The following GSE1 variants were observed in gnomAD, a reference collection of about 807,000 sequenced individuals.
The protein encoded by GSE1 is genetic suppressor element 1.
GSE1 carries 32 observed loss-of-function variants against 112.6 expected under a neutral mutation model. The observed-to-expected ratio is 0.28, with a 90% CI of 0.21 to 0.38. The LOEUF (loss-of-function observed/expected upper bound fraction) is 0.38. Ranked by LOEUF, GSE1 falls within the 10% of genes least tolerant of loss-of-function variation. GSE1 has a pLI of 1.00. For synonymous variants in GSE1, 1,115 were observed against 735.6 expected (o/e 1.52, Z -8.35); for missense variants, 2,348 against 1,699.2 (o/e 1.38, Z -6.71).
chr16:85,252,399 G>A (rs867718110), intron 1 of GSE1, among the ~76,000 whole-genome samples: 1 of 152,228 alleles, frequency 6.6e-6, no homozygotes, highest in Non-Finnish European at 1.5e-5. Context: ...GGATGTGTAC[G>A]TGCATGAAAT....
upstream of GSE1, chr16:85,611,400 G>A: frequency 6.5e-6 from 6 of 917,976 alleles, no homozygotes; most frequent in Non-Finnish European, 7.8e-6. Context: ...GGGCCCGCGC[G>A]GCCGAGCCAC....
At chr16:85,558,635 G>C (rs2045355103) in intron 1 of GSE1, among the ~76,000 whole-genome samples, 1 of 152,150 alleles carries the variant, frequency 6.6e-6, no homozygotes, top group Admixed American at 6.5e-5. Flanking sequence ...CAGAAGTGAG[G>C]GGAGGGGAGG....
intron 2 of GSE1, among the ~76,000 whole-genome samples, chr16:85,503,033 G>A (rs1346367339): frequency 6.6e-6 from 1 of 152,216 alleles, no homozygotes; most frequent in African/African-American, 2.4e-5. Context: ...ACCACACTGA[G>A]CTTGTATTTG....
At chr16:85,288,528 T>C (rs1165681167) in intron 1 of GSE1, among the ~76,000 whole-genome samples, 1 of 152,202 alleles carries the variant, frequency 6.6e-6, no homozygotes, top group Non-Finnish European at 1.5e-5. Context: ...GAGCCCGCTG[T>C]GTGTGGCAGT....
intron 2 of GSE1, among the ~76,000 whole-genome samples, chr16:85,426,043 A>ATGGG: frequency 8.3e-6 from 1 of 120,622 alleles, no homozygotes; most frequent in East Asian, 2.6e-4. Context: ...GGATGGATGG[A>ATGGG]TGGATGGATG....
intron 1 of GSE1, among the ~76,000 whole-genome samples, chr16:85,279,893 G>A (rs372785281): frequency 4.6e-5 from 7 of 152,316 alleles, no homozygotes; most frequent in African/African-American, 9.6e-5. Flanking sequence ...AGCAAACTCC[G>A]GCGGCGTCAT....
At chr16:85,471,444 C>A (rs2050293782) in intron 2 of GSE1, among the ~76,000 whole-genome samples, 1 of 152,206 alleles carries the variant, frequency 6.6e-6, no homozygotes, top group African/African-American at 2.4e-5. Flanking sequence ...GGCAAAGTCT[C>A]ACTCCATCAC....
chr16:85,246,765 G>A (rs1047146816), intron 1 of GSE1, among the ~76,000 whole-genome samples: 2 of 151,974 alleles, frequency 1.3e-5, no homozygotes, highest in Non-Finnish European at 2.9e-5. Flanking sequence ...GCAATGAAAT[G>A]GGCACCCTCT....
intron 1 of GSE1, among the ~76,000 whole-genome samples, chr16:85,309,266 A>G (rs375176452): frequency 5.3e-4 from 80 of 152,288 alleles, no homozygotes; most frequent in African/African-American, 1.8e-3. Context: ...TGGGAGGCCA[A>G]CTAGAGGATC....
At chr16:85,503,716 G>A (rs1308857928) in intron 2 of GSE1, among the ~76,000 whole-genome samples, 2 of 152,146 alleles carry the variant, frequency 1.3e-5, no homozygotes, top group African/African-American at 4.8e-5. Flanking sequence ...AGGCAGTGTC[G>A]AAGCAAACCT....
At chr16:85,589,365 C>T (rs758041733) in intron 1 of GSE1, among the ~76,000 whole-genome samples, 7 of 151,906 alleles carry the variant, frequency 4.6e-5, no homozygotes, top group African/African-American at 1.2e-4. Flanking sequence ...GAGCCCTGGA[C>T]GCTGGGCAGA....
intron 2 of GSE1, among the ~76,000 whole-genome samples, chr16:85,406,875 C>T (rs866023976): frequency 9.4e-4 from 1 of 1,060 alleles, no homozygotes. Context: ...CAGGCCCCCC[C>T]GGATAATCCT....
intron 1 of GSE1, among the ~76,000 whole-genome samples, chr16:85,238,166 G>A (rs547975789): frequency 1.9e-4 from 29 of 152,204 alleles, no homozygotes; most frequent in Non-Finnish European, 4.0e-4. Context: ...GGAAGACCCC[G>A]GGAGGTGGCG....
chr16:85,265,605 G>T (rs1908155234), intron 1 of GSE1, among the ~76,000 whole-genome samples: 1 of 152,254 alleles, frequency 6.6e-6, no homozygotes, highest in South Asian at 2.1e-4. Context: ...TTCCCTGATT[G>T]CCTCCAAATC....
At chr16:85,300,629 C>G (rs912315135) in intron 1 of GSE1, among the ~76,000 whole-genome samples, 6 of 152,236 alleles carry the variant, frequency 3.9e-5, no homozygotes, top group African/African-American at 1.4e-4. Flanking sequence ...CCTCATTCCT[C>G]TCTCGCCGAG....
chr16:85,639,348 C>G (rs2050255564), intron 2 of GSE1, among the ~76,000 whole-genome samples: 1 of 152,174 alleles, frequency 6.6e-6, no homozygotes, highest in East Asian at 1.9e-4. Context: ...GCCTCTCCTA[C>G]CAGGACCTCT....
intron 1 of GSE1, among the ~76,000 whole-genome samples, chr16:85,303,501 C>G (rs895307247): frequency 6.6e-6 from 1 of 152,256 alleles, no homozygotes; most frequent in Non-Finnish European, 1.5e-5. Context: ...GCTTGCTGAG[C>G]GCTTGCTGTG....
intron 2 of GSE1, among the ~76,000 whole-genome samples, chr16:85,433,905 G>A (rs957032576): frequency 6.6e-6 from 1 of 152,132 alleles, no homozygotes; most frequent in African/African-American, 2.4e-5. Flanking sequence ...TAGATGACTA[G>A]ATGGAAGGAT....
chr16:85,641,423 GC>G (rs61178619), intron 2 of GSE1, among the ~76,000 whole-genome samples: 74 of 150,502 alleles, frequency 4.9e-4, no homozygotes, highest in South Asian at 1.3e-3. Context: ...ACTGGCTGAC[GC>G]CCCCCCCCGC....
Sources: allele counts gnomAD v4.1 joint callset (sites outside exome capture counted in the v4.1 genomes callset), GRCh38; gene constraint gnomAD v4.1.1; transcripts MANE v1.5; gene names NCBI Gene and HGNC (gene_info 2026-07-23, HGNC 2026-07-21).